The following PCGF5 variants were observed in gnomAD, a reference collection of about 807,000 sequenced individuals.
PCGF5 encodes polycomb group RING finger protein 5.
In PCGF5, 9 loss-of-function variants were observed where a neutral mutation model predicts 44.3. That is an observed-to-expected ratio of 0.20 (90% CI 0.12 to 0.35). The LOEUF (loss-of-function observed/expected upper bound fraction) is 0.35. Among genes scored for constraint, PCGF5 ranks in the 10% least tolerant of loss-of-function variants. The pLI, the probability that PCGF5 is intolerant of heterozygous loss-of-function variation, is 1.00. For synonymous variants in PCGF5, 95 were observed against 102.5 expected (o/e 0.93, Z 0.44); for missense variants, 146 against 305.3 (o/e 0.48, Z 3.89).
Position 91,278,318 on chromosome 10 carries a change from C to T in PCGF5, c.*2C>T. ...CGACCAAGAATTGATTTCGGTTAGA[C>T]CAAGGGGCCCAGACCTCACTGAGAT... On this transcript the variant is annotated 3_prime_UTR_variant, in exon 10 of 10. Transcript: ENST00000336126. 2.5e-6 allele frequency: 4 copies of T among 1,609,748 alleles called. No homozygotes were observed. Among genetic ancestry groups the T allele is most frequent in the Non-Finnish European group, 3.4e-6 (4 of 1,176,050 alleles).
intron 7 of PCGF5, 122 bp downstream of exon 7, chr10:91,261,546 G>A: frequency 4.2e-6 from 5 of 1,203,334 alleles, no homozygotes; most frequent in Non-Finnish European, 5.4e-6. Flanking sequence ...GATTATTTTT[G>A]TGTTAAAAAT....
intron 8 of PCGF5, among the ~76,000 whole-genome samples, chr10:91,268,160 G>C (rs1022206647): frequency 6.6e-6 from 1 of 151,876 alleles, no homozygotes; most frequent in Admixed American, 6.6e-5. Flanking sequence ...TTGTGAGCAG[G>C]TCTTACTCTG....
intron 6 of PCGF5, among the ~76,000 whole-genome samples, chr10:91,254,676 A>G (rs1032428344): frequency 6.6e-6 from 1 of 152,072 alleles, no homozygotes; most frequent in Admixed American, 6.6e-5. Flanking sequence ...AGTTGCATGT[A>G]TAGTTTATAC....
At chr10:91,241,193 G>A (rs1845315738) in intron 3 of PCGF5, among the ~76,000 whole-genome samples, 1 of 151,850 alleles carries the variant, frequency 6.6e-6, no homozygotes, top group Non-Finnish European at 1.5e-5. Context: ...TCCTGCCTCA[G>A]CCTCCTGAGT....
chr10:91,259,767 A>G (rs1845849024), intron 6 of PCGF5, among the ~76,000 whole-genome samples: 1 of 152,220 alleles, frequency 6.6e-6, no homozygotes, highest in African/African-American at 2.4e-5. Flanking sequence ...GGCTAGCCAT[A>G]TGTAGAAAGC....
At chr10:91,243,501 A>G (rs1367758693) in intron 3 of PCGF5, among the ~76,000 whole-genome samples, 2 of 152,220 alleles carry the variant, frequency 1.3e-5, no homozygotes, top group Non-Finnish European at 2.9e-5. Flanking sequence ...GTGCTGGAGC[A>G]TAAACCAAGA....
intron 1 of PCGF5, among the ~76,000 whole-genome samples, chr10:91,213,628 CT>C (rs538391605): frequency 8.2e-5 from 12 of 146,180 alleles, no homozygotes; most frequent in East Asian, 4.0e-4. Context: ...CCACACCAGG[CT>C]TTTTTTTTTC....
At chr10:91,216,244 T>C (rs898086366), upstream of PCGF5, among the ~76,000 whole-genome samples, 2 of 152,184 alleles carry the variant, frequency 1.3e-5, no homozygotes, top group African/African-American at 2.4e-5. Context: ...TTTGGCAGCT[T>C]TGAGGTGCCT....
At chr10:91,218,628 A>G (rs1208836514), upstream of PCGF5, among the ~76,000 whole-genome samples, 1 of 152,052 alleles carries the variant, frequency 6.6e-6, no homozygotes, top group Non-Finnish European at 1.5e-5. Flanking sequence ...TTTTGTTATT[A>G]TTCTTATTTT....
At chr10:91,159,035 A>G (rs553618256), upstream of PCGF5, among the ~76,000 whole-genome samples, 2 of 152,368 alleles carry the variant, frequency 1.3e-5, no homozygotes, top group South Asian at 4.1e-4. Flanking sequence ...GGAAGCAGGA[A>G]GCAGGAAATG....
At chr10:91,262,949 C>T (rs559895347) in intron 7 of PCGF5, among the ~76,000 whole-genome samples, 18 of 152,244 alleles carry the variant, frequency 1.2e-4, no homozygotes, top group African/African-American at 3.4e-4. Context: ...TTTTAGAAAG[C>T]TGTTATTACT....
At chr10:91,221,999 C>T (rs1844694676) in intron 1 of PCGF5, among the ~76,000 whole-genome samples, 1 of 152,098 alleles carries the variant, frequency 6.6e-6, no homozygotes, top group Non-Finnish European at 1.5e-5. Context: ...GTGCTTAGAA[C>T]CTGCAGAGGA....
chr10:91,188,263 A>C lies in PCGF5; in HGVS notation c.-184+25182A>C, dbSNP rs573713923. On this transcript the variant is annotated intron_variant, in intron 1 of 9. Transcript: ENST00000614189. ...CTGAAGCAGGGCTAGGCATTGCCTCACTCGGGAAGCGCAAGGGGTCAGGGA... is the reference window on the plus strand; with the variant it reads ...CTGAAGCAGGGCTAGGCATTGCCTCCCTCGGGAAGCGCAAGGGGTCAGGGA... 1.3e-4 allele frequency among the ~76,000 whole-genome samples: 20 copies of C among 152,296 alleles called. No individual in the cohort carries two copies. In the East Asian group the frequency reaches 3.1e-3, roughly 24 times the overall value.
chr10:91,170,024 T>C (rs977220026), intron 1 of PCGF5, among the ~76,000 whole-genome samples: 1 of 152,204 alleles, frequency 6.6e-6, no homozygotes, highest in African/African-American at 2.4e-5. Flanking sequence ...GGAGAAAGGA[T>C]AGTCTTTTCA....
At chr10:91,177,689 G>A (rs12772535) in intron 1 of PCGF5, among the ~76,000 whole-genome samples, 22,898 of 152,240 alleles carry the variant, frequency 0.15, 2,296 homozygotes, top group East Asian at 0.41. Flanking sequence ...CTCCATAGGC[G>A]TAGGACCCTC....
At chr10:91,223,253 G>A (rs1004982790) in intron 2 of PCGF5, among the ~76,000 whole-genome samples, 11 of 152,010 alleles carry the variant, frequency 7.2e-5, no homozygotes, top group African/African-American at 2.7e-4. Context: ...GTTTTTTTAA[G>A]TGAACTATTT....
upstream of PCGF5, among the ~76,000 whole-genome samples, chr10:91,161,485 G>A (rs183049546): frequency 1.2e-3 from 181 of 152,288 alleles, 1 homozygote; most frequent in African/African-American, 3.9e-3. Flanking sequence ...GGGCCGGAAG[G>A]CTCTTAGCCT....
In PCGF5 at chr10:91,282,768, G is replaced by T. The variant is rs1846485237; in HGVS notation, c.*4452G>T. 1 of 152,546 alleles carries T rather than the reference G, an allele frequency of 6.6e-6. No individual in the cohort carries two copies. Among genetic ancestry groups the T allele is most frequent in the South Asian group, 2.1e-4 (1 of 4,824 alleles). The allele number at this position is 152,546 out of a possible 1,614,324, so 9.4% of individuals were successfully genotyped here. Reference sequence around the variant, plus strand: ...ATTACATACTCTGGTTTATCATAAGGAATTTTCCAGAAAGCTAAGCTTTAT... The same window carrying T: ...ATTACATACTCTGGTTTATCATAAGTAATTTTCCAGAAAGCTAAGCTTTAT... On this transcript the variant is annotated 3_prime_UTR_variant, in exon 10 of 10. Coordinates refer to ENST00000336126, the MANE Select transcript of PCGF5 (RefSeq NM_032373.5).
chr10:91,233,431 TAA>T (rs1024515067), intron 2 of PCGF5, among the ~76,000 whole-genome samples: 20 of 152,074 alleles, frequency 1.3e-4, no homozygotes, highest in Non-Finnish European at 2.9e-4. Context: ...TAAAAAAAAA[TAA>T]AGTGTTGTAC....
Sources: allele counts gnomAD v4.1 joint callset (sites outside exome capture counted in the v4.1 genomes callset), GRCh38; gene constraint gnomAD v4.1.1; transcripts MANE v1.5; gene names NCBI Gene and HGNC (gene_info 2026-07-23, HGNC 2026-07-21).